The following TNFSF4 variants were observed in gnomAD, a reference collection of about 807,000 sequenced individuals.
TNFSF4 encodes TNF superfamily member 4.
A neutral mutation model predicts 7.3 loss-of-function variants in TNFSF4; 4 were observed. The ratio of observed to expected loss-of-function variants is 0.55; its 90% confidence interval spans 0.27 to 1.25. The LOEUF (loss-of-function observed/expected upper bound fraction) is 1.25, where lower values mean the gene tolerates loss of function less well. Ranked by LOEUF, TNFSF4 falls within the 50% of genes most tolerant of loss-of-function variation. The probability of loss-of-function intolerance (pLI) is 0.12; values close to 1 mark genes in which losing one functional copy is unlikely to be tolerated. For missense variants in TNFSF4, 181 were observed against 208.8 expected (o/e 0.87, Z 0.82); for synonymous variants, 76 against 83.7 (o/e 0.91, Z 0.50).
chr1:173,235,562 G>A, the TNFSF4 span, among the ~76,000 whole-genome samples: 3 of 152,324 alleles, frequency 2.0e-5, no homozygotes, highest in South Asian at 6.2e-4. Context: ...GCACAGTAAA[G>A]TAGGAAAACC....
chr1:173,434,240 C>T, the TNFSF4 span, among the ~76,000 whole-genome samples: 1 of 152,306 alleles, frequency 6.6e-6, no homozygotes, highest in Non-Finnish European at 1.5e-5. Flanking sequence ...TTTACCTTCC[C>T]TTATATTTTC....
At chr1:173,332,381 G>A in the TNFSF4 span, among the ~76,000 whole-genome samples, 1 of 152,160 alleles carries the variant, frequency 6.6e-6, no homozygotes, top group Non-Finnish European at 1.5e-5. Flanking sequence ...AAACCAGCTG[G>A]TTGAAAACAT....
chr1:173,228,767 A>G, the TNFSF4 span, among the ~76,000 whole-genome samples: 20 of 152,344 alleles, frequency 1.3e-4, no homozygotes, highest in African/African-American at 4.8e-4. Flanking sequence ...CATGGCAAAG[A>G]AACTAAGTGA....
the TNFSF4 span, among the ~76,000 whole-genome samples, chr1:173,313,325 G>T: frequency 6.6e-6 from 1 of 152,022 alleles, no homozygotes; most frequent in East Asian, 1.9e-4. Context: ...AGATAATACA[G>T]AATTCATTAG....
the TNFSF4 span, among the ~76,000 whole-genome samples, chr1:173,364,196 C>G: frequency 2.1e-5 from 3 of 141,596 alleles, no homozygotes; most frequent in African/African-American, 7.9e-5. Flanking sequence ...TATACTATAT[C>G]TATATTTTGC....
chr1:173,305,989 C>T, the TNFSF4 span, among the ~76,000 whole-genome samples: 7 of 151,880 alleles, frequency 4.6e-5, no homozygotes, highest in Non-Finnish European at 7.4e-5. Context: ...AAATCTTACA[C>T]GGATCTCATA....
the TNFSF4 span, among the ~76,000 whole-genome samples, chr1:173,360,556 G>A: frequency 6.6e-6 from 1 of 152,184 alleles, no homozygotes; most frequent in African/African-American, 2.4e-5. Flanking sequence ...GATCCAACCA[G>A]CTTGTTGCTT....
upstream of TNFSF4, among the ~76,000 whole-genome samples, chr1:173,209,908 C>A (rs1454700454): frequency 6.6e-6 from 1 of 152,172 alleles, no homozygotes; most frequent in Admixed American, 6.5e-5. Context: ...AAGTAATTAT[C>A]TTCCCATAGA....
At chr1:173,240,798 G>A in the TNFSF4 span, among the ~76,000 whole-genome samples, 1 of 152,170 alleles carries the variant, frequency 6.6e-6, no homozygotes, top group Non-Finnish European at 1.5e-5. Context: ...GTCCCCAGCA[G>A]AGCATGAGGA....
chr1:173,338,793 C>A, the TNFSF4 span, among the ~76,000 whole-genome samples: 1 of 152,112 alleles, frequency 6.6e-6, no homozygotes, highest in Admixed American at 6.6e-5. Context: ...TACAACGATT[C>A]CATTGAATTG....
At chr1:173,222,046 T>C in the TNFSF4 span, among the ~76,000 whole-genome samples, 2 of 152,210 alleles carry the variant, frequency 1.3e-5, no homozygotes, top group African/African-American at 4.8e-5. Flanking sequence ...GCTATTCTTA[T>C]AGTCAGTCAT....
At chr1:173,330,026 T>C in the TNFSF4 span, among the ~76,000 whole-genome samples, 1 of 152,156 alleles carries the variant, frequency 6.6e-6, no homozygotes, top group Non-Finnish European at 1.5e-5. Context: ...CTCCTGTCCA[T>C]AGGATTTGTT....
chr1:173,340,772 C>T, the TNFSF4 span, among the ~76,000 whole-genome samples: 1 of 151,822 alleles, frequency 6.6e-6, no homozygotes. Context: ...GATGGGTAGG[C>T]TTTCCCTCTC....
the TNFSF4 span, among the ~76,000 whole-genome samples, chr1:173,360,745 T>A: frequency 6.6e-6 from 1 of 152,156 alleles, no homozygotes; most frequent in Non-Finnish European, 1.5e-5. Context: ...CAGGACTCAC[T>A]GTGCGGGCAA....
At chr1:173,390,737 C>CTTTTTTTTTTTTTTTTTTTTTTTT in the TNFSF4 span, among the ~76,000 whole-genome samples, 1 of 131,602 alleles carries the variant, frequency 7.6e-6, no homozygotes. Context: ...CATTCTGCTT[C>CTTTTTTTTTTTTTTTTTTTTTTTT]TTTTTTTTTT....
the TNFSF4 span, among the ~76,000 whole-genome samples, chr1:173,416,885 T>C: frequency 2.6e-5 from 4 of 152,132 alleles, no homozygotes; most frequent in Non-Finnish European, 5.9e-5. Flanking sequence ...TTGTGAGCCA[T>C]TGTGGCCGGC....
chr1:173,194,902 C>T (rs1232566828), intron 1 of TNFSF4, among the ~76,000 whole-genome samples: 1 of 140,392 alleles, frequency 7.1e-6, no homozygotes, highest in East Asian at 2.0e-4. Context: ...AAAAAAAAGG[C>T]AAAGAATAAA....
At chr1:173,408,703 T>C in the TNFSF4 span, among the ~76,000 whole-genome samples, 2 of 150,612 alleles carry the variant, frequency 1.3e-5, no homozygotes, top group African/African-American at 4.9e-5. Context: ...TTCTCCCACC[T>C]TAGCCTACCG....
chr1:173,216,614 TTCTC>T, the TNFSF4 span, among the ~76,000 whole-genome samples: 2 of 151,968 alleles, frequency 1.3e-5, no homozygotes, highest in Non-Finnish European at 2.9e-5. Flanking sequence ...AGCCATGATT[TTCTC>T]TCTCTCTCTT....
Sources: allele counts gnomAD v4.1 joint callset (sites outside exome capture counted in the v4.1 genomes callset), GRCh38; gene constraint gnomAD v4.1.1; transcripts MANE v1.5; gene names NCBI Gene and HGNC (gene_info 2026-07-23, HGNC 2026-07-21).